The following BRCA1 variants were observed in gnomAD, a reference collection of about 807,000 sequenced individuals.
BRCA1 encodes breast cancer type 1 susceptibility protein.
A neutral mutation model predicts 173.7 loss-of-function variants in BRCA1; 140 were observed. The observed-to-expected ratio is 0.81, with a 90% confidence interval of 0.70 to 0.93. The LOEUF is 0.93. Ranked by LOEUF, BRCA1 falls within the 40% of genes least tolerant of loss-of-function variation. The probability of loss-of-function intolerance (pLI) is 0.00; values close to 1 mark genes in which losing one functional copy is unlikely to be tolerated. For synonymous variants in BRCA1, 662 were observed against 756.0 expected (o/e 0.88, Z 2.04); for missense variants, 1,983 against 2,172.5 (o/e 0.91, Z 1.73).
At chr17:43,162,412 A>G (rs1137399) in intron 1 of BRCA1, 1 of 152,068 alleles carries the variant, frequency 6.6e-6, no homozygotes, top group East Asian at 1.9e-4. Flanking sequence ...CACTTTACTC[A>G]TATCATTTAT....
At chr17:43,053,371 T>A (rs2051329342) in intron 19 of BRCA1, among the ~76,000 whole-genome samples, 1 of 152,176 alleles carries the variant, frequency 6.6e-6, no homozygotes, top group Non-Finnish European at 1.5e-5. Flanking sequence ...ATAAGAAATT[T>A]GAAGTTTCGG....
intron 15 of BRCA1, among the ~76,000 whole-genome samples, chr17:43,070,121 TG>T (rs2052320603): frequency 6.6e-6 from 1 of 152,036 alleles, no homozygotes; most frequent in Non-Finnish European, 1.5e-5. Context: ...TTAGTAAAGA[TG>T]GGGTTTCTTC....
chr17:43,059,510 CAACA>C (rs2051655176), intron 18 of BRCA1, among the ~76,000 whole-genome samples: 2 of 151,664 alleles, frequency 1.3e-5, no homozygotes, highest in African/African-American at 2.4e-5. Flanking sequence ...ACAACAACAA[CAACA>C]AATTCTCACA....
chr17:43,097,718 A>G (rs1405354308), intron 7 of BRCA1, among the ~76,000 whole-genome samples: 1 of 152,214 alleles, frequency 6.6e-6, no homozygotes, highest in African/African-American at 2.4e-5. Context: ...CTGTGCCTTA[A>G]TTTTCTCATC....
At position 43,092,013 on chromosome 17, in the gene BRCA1, C is replaced by T. The variant is rs746949187; in HGVS notation, c.3518G>A (p.Ser1173Asn). 10 of 1,613,980 alleles carry T rather than the reference C, an allele frequency of 6.2e-6. No individual in the cohort carries two copies. Among genetic ancestry groups the T allele is most frequent in the Non-Finnish European group, 8.5e-6 (10 of 1,180,024 alleles). The change falls in exon 10 of 23, where the codon AGT (serine) becomes AAT (asparagine). Residue 1173 changes from serine (S) to asparagine (N), a missense_variant. Transcript: ENST00000357654. ...TSFAENDIKESSAVFSKSVQK... is the reference protein window; with the variant it reads ...TSFAENDIKENSAVFSKSVQK... ...GACGCTTTTGCTAAAAACAGCAGAA[C>T]TTTCCTTAATGTCATTTTCAGCAAA...
rs151133874 is a variant in BRCA1 at position 43,136,240 on chromosome 17, A to T, written c.-19-12125T>A. Reference sequence around the variant, plus strand: ...GAAAACTGGCTAGCCATATGCAGAAAACTGAAACTGGACCCCTTCCTTACA... The same window carrying T: ...GAAAACTGGCTAGCCATATGCAGAATACTGAAACTGGACCCCTTCCTTACA... On this transcript the variant is annotated intron_variant, in intron 1 of 7. Coordinates refer to the BRCA1 transcript ENST00000634433. Among the ~76,000 whole-genome samples the T allele has an allele frequency of 2.4e-3, 367 of 152,322 alleles. 2 individuals carry two copies. Among genetic ancestry groups the T allele is most frequent in the African/African-American group, 8.5e-3 (352 of 41,564 alleles).
chr17:43,133,405 T>C (rs1244054596), intron 1 of BRCA1, among the ~76,000 whole-genome samples: 1 of 152,150 alleles, frequency 6.6e-6, no homozygotes, highest in African/African-American at 2.4e-5. Context: ...CTTTAGGGGC[T>C]TAGGATTCTG....
At chr17:43,155,993 T>G (rs2056194549) in intron 1 of BRCA1, among the ~76,000 whole-genome samples, 1 of 152,046 alleles carries the variant, frequency 6.6e-6, no homozygotes, top group South Asian at 2.1e-4. Context: ...TCCCAGCACT[T>G]TGGGAGTCTG....
At chr17:43,091,306 G>T in intron 10 of BRCA1, 129 bp downstream of exon 10, 1 of 1,240,730 alleles carries the variant, frequency 8.1e-7, no homozygotes, top group Non-Finnish European at 1.2e-6. Context: ...GGAGGAACAT[G>T]TTTCAAGTTT....
rs191514351 is a variant in BRCA1, at chr17:43,103,431, C to T, written c.441+691G>A. On this transcript the variant is annotated intron_variant, in intron 6 of 22. Transcript: ENST00000357654. ...GCAGTGAGCTGACATCGTGTCACTG[C>T]GCTCCAGCCTGGGCGACAGAGCGAG... Among the ~76,000 whole-genome samples the T allele has an allele frequency of 4.1e-3, 611 of 149,990 alleles. 1 individual carries two copies. The highest frequency in any genetic ancestry group is 5.2e-3 in the Non-Finnish European group (350 of 67,752).
intron 18 of BRCA1, among the ~76,000 whole-genome samples, chr17:43,063,041 C>T (rs1402683893): frequency 6.6e-6 from 1 of 152,144 alleles, no homozygotes; most frequent in Non-Finnish European, 1.5e-5. Context: ...CAGGCAAGTG[C>T]CACCAAGCCC....
chr17:43,146,767 C>A (rs1201172756), intron 1 of BRCA1, among the ~76,000 whole-genome samples: 1 of 152,164 alleles, frequency 6.6e-6, no homozygotes, highest in Non-Finnish European at 1.5e-5. Context: ...CCTCCTAGGG[C>A]AGGGCCTCAC....
chr17:43,131,657 C>T (rs1051719380), intron 1 of BRCA1, among the ~76,000 whole-genome samples: 26 of 151,564 alleles, frequency 1.7e-4, no homozygotes, highest in Non-Finnish European at 2.7e-4. Flanking sequence ...GGAGGCGGAG[C>T]TTGCAGTGAG....
At chr17:43,103,553 C>T (rs1223373787) in intron 6 of BRCA1, among the ~76,000 whole-genome samples, 1 of 151,754 alleles carries the variant, frequency 6.6e-6, no homozygotes, top group Admixed American at 6.6e-5. Context: ...CAAACCTGGA[C>T]TCAAGTGATC....
intron 1 of BRCA1, chr17:43,163,702 C>T (rs1191769772): frequency 6.6e-6 from 1 of 152,222 alleles, no homozygotes; most frequent in Non-Finnish European, 1.5e-5. Context: ...TAAAGGTCCA[C>T]CACAATACCA....
chr17:43,045,642 G>C lies in BRCA1; in HGVS notation c.*36C>G, dbSNP rs3092995. 2.6e-3 allele frequency: 4,263 copies of C among 1,613,442 alleles called. 102 individuals are homozygous for C. The African/African-American group carries it at 0.049, about 18-fold the overall frequency. On this transcript the variant is annotated 3_prime_UTR_variant, in exon 23 of 23. Transcript: ENST00000357654. ...AAGGCCACTTTGTAAGCTCATTCTT[G>C]GGGTCCTGTGGCTCTGTACCTGTGG... is the stretch of plus-strand genomic sequence containing the variant.
At chr17:43,115,840 AAAGCT>A (rs1361097879) in intron 2 of BRCA1, 61 bp from the exon 3 acceptor site, 33 of 1,518,844 alleles carry the variant, frequency 2.2e-5, no homozygotes, top group Non-Finnish European at 9.0e-7. Context: ...ATTTAAAAAT[AAAGCT>A]ATTCTTAGTG....
At chr17:43,052,916 G>A (rs187334602) in intron 19 of BRCA1, among the ~76,000 whole-genome samples, 33 of 145,836 alleles carry the variant, frequency 2.3e-4, no homozygotes, top group African/African-American at 6.5e-4. Flanking sequence ...TTGCACTGTC[G>A]CCTGGGCTGG....
At chr17:43,110,910 T>C (rs886662818) in intron 3 of BRCA1, among the ~76,000 whole-genome samples, 1 of 150,020 alleles carries the variant, frequency 6.7e-6, no homozygotes, top group Non-Finnish European at 1.5e-5. Flanking sequence ...AGATCAGCCT[T>C]GTCAACATGG....
Sources: allele counts gnomAD v4.1 joint callset (sites outside exome capture counted in the v4.1 genomes callset), GRCh38; gene constraint gnomAD v4.1.1; transcripts MANE v1.5; gene names NCBI Gene and HGNC (gene_info 2026-07-23, HGNC 2026-07-21).